Variants in PXK observed in about 807,000 individuals in gnomAD.
PXK encodes PX domain-containing protein kinase-like protein.
Under a neutral mutation model 84.7 loss-of-function variants are expected in PXK, and 35 were observed. The observed-to-expected ratio is 0.41, with a 90% CI of 0.32 to 0.55. PXK has a LOEUF of 0.55. PXK is among the 20% of genes least tolerant of loss of function. PXK has a pLI of 0.21. For synonymous variants in PXK, 253 were observed against 260.8 expected (o/e 0.97, Z 0.29); for missense variants, 634 against 699.7 (o/e 0.91, Z 1.06).
At chr3:58,365,845 T>A in intron 1 of PXK, 29 bp from the exon 2 acceptor site, 1 of 1,493,760 alleles carries the variant, frequency 6.7e-7, no homozygotes, top group South Asian at 1.3e-5. Flanking sequence ...GTTTTATAAC[T>A]GAGGTTATTC....
At position 58,421,199 on chromosome 3, in the gene PXK, C is replaced by T. The variant is rs1168476407; in HGVS notation, c.1529-3553C>T. The T allele has an allele frequency of 6.1e-6, 6 of 985,210 alleles. No individual in the cohort carries two copies. Among genetic ancestry groups the T allele is most frequent in the Non-Finnish European group, 7.2e-6 (6 of 829,924 alleles). The allele number at this position is 985,210 out of a possible 1,614,324, so 61.0% of individuals were successfully genotyped here. On this transcript the variant is annotated intron_variant, in intron 17 of 17. Transcript: ENST00000356151. This position sits in a 1 kb window ranked among gnomAD's most constrained non-coding sequence, Gnocchi z 5.5. ...TAGTGTGGTCTCATGGCCACTTGGC[C>T]TCCCTTCCTGTATGTGACCACAAAG...
At chr3:58,346,359 A>G (rs2097819510) in intron 1 of PXK, among the ~76,000 whole-genome samples, 1 of 152,116 alleles carries the variant, frequency 6.6e-6, no homozygotes, top group African/African-American at 2.4e-5. Flanking sequence ...GGAACAGTGA[A>G]GTTAGAGAGG....
At position 58,390,511 on chromosome 3, in the gene PXK, A is replaced by G; in HGVS notation, c.389-71A>G. On this transcript the variant is annotated intron_variant, in intron 4 of 17. Coordinates refer to ENST00000356151, the MANE Select transcript of PXK (RefSeq NM_017771.5). This position sits in a 1 kb window ranked among gnomAD's most constrained non-coding sequence, Gnocchi z 4.2. The stretch of plus-strand genomic sequence containing the variant: ...ATAGACTATAGGGATTTCATTTACA[A>G]GAATAATATCTTCAGCATATGGCCC... 8.8e-7 allele frequency: 1 copy of G among 1,136,406 alleles called. No homozygotes were observed. Among genetic ancestry groups the G allele is most frequent in the Non-Finnish European group, 1.3e-6 (1 of 791,310 alleles). The allele number at this position is 1,136,406 out of a possible 1,614,324, so 70.4% of individuals were successfully genotyped here.
chr3:58,346,609 A>G (rs1028684082), intron 1 of PXK, among the ~76,000 whole-genome samples: 5 of 152,034 alleles, frequency 3.3e-5, no homozygotes, highest in East Asian at 1.9e-4. Flanking sequence ...AGCTTTCACT[A>G]TGTGCCAAGC....
At chr3:58,342,512 G>A (rs1302339482) in intron 1 of PXK, among the ~76,000 whole-genome samples, 2 of 151,786 alleles carry the variant, frequency 1.3e-5, no homozygotes, top group South Asian at 4.2e-4. Flanking sequence ...GTGCATGCCT[G>A]TAGTCCCTGC....
At chr3:58,413,285 A>C in intron 17 of PXK, 1 of 355,686 alleles carries the variant, frequency 2.8e-6, no homozygotes, top group Non-Finnish European at 5.2e-6. Context: ...TGAACAACAC[A>C]AATGCGCCGT....
chr3:58,423,394 G>C (rs553496374), intron 17 of PXK: 1 of 1,505,082 alleles, frequency 6.6e-7, no homozygotes, highest in Admixed American at 2.0e-5. Flanking sequence ...TATTTGTATT[G>C]CTATCTTTGA....
At chr3:58,418,006 G>A (rs2061253011) in intron 17 of PXK, among the ~76,000 whole-genome samples, 1 of 152,126 alleles carries the variant, frequency 6.6e-6, no homozygotes, top group Non-Finnish European at 1.5e-5. Flanking sequence ...TTTTTGTAGA[G>A]ACGGGTTTTG....
At chr3:58,424,617 C>T (rs2062547153) in intron 17 of PXK, 135 bp from the exon 18 acceptor site, 1 of 1,198,460 alleles carries the variant, frequency 8.3e-7, no homozygotes, top group Non-Finnish European at 1.1e-6. Flanking sequence ...AGAACTCATA[C>T]AGTACTAGGT....
intron 17 of PXK, chr3:58,423,192 T>G: frequency 1.0e-6 from 1 of 984,682 alleles, no homozygotes; most frequent in Non-Finnish European, 1.2e-6. Flanking sequence ...TCATCACACA[T>G]GCTTATTCTC....
At position 58,421,859 on chromosome 3, in the gene PXK, T is replaced by A; in HGVS notation, c.1529-2893T>A. On this transcript the variant is annotated intron_variant, in intron 17 of 17. Transcript: ENST00000356151. The surrounding 1 kb of genome is among the most constrained non-coding windows in gnomAD (Gnocchi z 5.5). ...GACCTGGTCGTAACTGAAGGTAAGC[T>A]GTTTGCAGCATCCCCCTTCCTGGGT... 1.0e-6 allele frequency: 1 copy of A among 985,366 alleles called. No homozygotes were observed. Among genetic ancestry groups the A allele is most frequent in the Non-Finnish European group, 1.2e-6 (1 of 829,902 alleles). 61.0% of individuals were successfully genotyped at this position (985,366 alleles called of 1,614,324 possible).
intron 1 of PXK, among the ~76,000 whole-genome samples, chr3:58,350,405 G>A (rs1349668786): frequency 2.6e-5 from 4 of 151,980 alleles, no homozygotes; most frequent in Admixed American, 6.6e-5. Context: ...CTCCAGGCCC[G>A]GGTTCTTGTC....
chr3:58,423,428 A>G (rs1268157652), intron 17 of PXK: 15 of 1,523,490 alleles, frequency 9.8e-6, no homozygotes, highest in Non-Finnish European at 1.3e-5. Flanking sequence ...GCAGAGCATG[A>G]GCGTGTGTAT....
rs369956409 is a variant in PXK, at chr3:58,356,793, G to A, written c.103-9081G>A. On this transcript the variant is annotated intron_variant, in intron 1 of 17. Coordinates refer to ENST00000356151, the MANE Select transcript of PXK (RefSeq NM_017771.5). ...TAATTTTTGTATTTTTAGTAGAGAC[G>A]GGGTTTCACTATGTTGGCCAGGCTG... Among the ~76,000 whole-genome samples, 59 of 151,390 alleles carry A rather than the reference G, an allele frequency of 3.9e-4. No homozygotes were observed. In the South Asian group the frequency reaches 0.012, roughly 31 times the overall value.
At chr3:58,374,459 C>T (rs1433490073) in intron 3 of PXK, among the ~76,000 whole-genome samples, 2 of 152,182 alleles carry the variant, frequency 1.3e-5, no homozygotes, top group Non-Finnish European at 2.9e-5. Flanking sequence ...CAGGTGTGAG[C>T]CACGGCGCCT....
chr3:58,366,872 G>A (rs11130629), intron 2 of PXK, among the ~76,000 whole-genome samples: 115,938 of 152,176 alleles, frequency 0.76, 44,342 homozygotes, highest in East Asian at 0.82. Context: ...CATTGGCAGA[G>A]TAGAGTTGGA....
chr3:58,359,996 A>C (rs2108306729), intron 1 of PXK, among the ~76,000 whole-genome samples: 1 of 152,200 alleles, frequency 6.6e-6, no homozygotes, highest in East Asian at 1.9e-4. Flanking sequence ...AAAAATTTAA[A>C]AATTAGCTGG....
At position 58,425,011 on chromosome 3, in the gene PXK, C is replaced by A. The variant is rs1206838807; in HGVS notation, c.*51C>A. On this transcript the variant is annotated 3_prime_UTR_variant, in exon 18 of 18. Coordinates refer to ENST00000356151, the MANE Select transcript of PXK (RefSeq NM_017771.5). ...AAAGTTCTTTTTTATTCCTACTCAC[C>A]CCTACCCCCCAAACTACCCTCTTCC... The A allele has an allele frequency of 4.4e-6, 7 of 1,595,076 alleles. No individual in the cohort carries two copies. Among genetic ancestry groups the A allele is most frequent in the Admixed American group, 3.5e-5 (2 of 57,626 alleles).
At chr3:58,424,706 G>C in intron 17 of PXK, 46 bp from the exon 18 acceptor site, 1 of 1,592,182 alleles carries the variant, frequency 6.3e-7, no homozygotes. Flanking sequence ...GTGTGTGCAG[G>C]GCAGCTGTGG....
Sources: allele counts gnomAD v4.1 joint callset (sites outside exome capture counted in the v4.1 genomes callset), GRCh38; gene constraint gnomAD v4.1.1; non-coding constraint Gnocchi (gnomAD v3.1); transcripts MANE v1.5; gene names NCBI Gene and HGNC (gene_info 2026-07-23, HGNC 2026-07-21).